MECOM: variants seen among roughly 807,000 people sequenced by gnomAD.
MECOM encodes the protein histone-lysine N-methyltransferase MECOM.
Under a neutral mutation model 116.3 loss-of-function variants are expected in MECOM, and 13 were observed. The observed-to-expected ratio is 0.11, with a 90% confidence interval of 0.07 to 0.18. The LOEUF (loss-of-function observed/expected upper bound fraction) is 0.18. Among genes scored for constraint, MECOM ranks in the 10% least tolerant of loss-of-function variants. The pLI is 1.00. For synonymous variants in MECOM, 528 were observed against 535.2 expected, an observed-to-expected ratio of 0.99 and a Z score of 0.19; for missense variants, 1,299 against 1,509.0, an observed-to-expected ratio of 0.86 and a Z score of 2.31.
intron 1 of MECOM, among the ~76,000 whole-genome samples, chr3:169,558,157 A>C (rs1425704780): frequency 6.6e-6 from 1 of 152,172 alleles, no homozygotes; most frequent in Non-Finnish European, 1.5e-5. Context: ...TGATTCTGCC[A>C]CTCACAGCAA....
intron 2 of MECOM, among the ~76,000 whole-genome samples, chr3:169,273,617 T>C (rs1474628051): frequency 2.0e-5 from 3 of 152,190 alleles, no homozygotes; most frequent in Non-Finnish European, 4.4e-5. Context: ...GGTTTCTCTA[T>C]AGCAGTTTTA....
intron 16 of MECOM, among the ~76,000 whole-genome samples, chr3:169,085,279 C>T (rs954028201): frequency 6.6e-6 from 1 of 152,128 alleles, no homozygotes; most frequent in Admixed American, 6.5e-5. Context: ...AACTATCCTA[C>T]CTAAAATGCA....
chr3:169,661,479 G>C (rs553473434), intron 1 of MECOM, among the ~76,000 whole-genome samples: 2 of 152,276 alleles, frequency 1.3e-5, no homozygotes, highest in East Asian at 3.9e-4. Context: ...CTGTAGCAGC[G>C]AGTGTAAAGA....
intron 2 of MECOM, among the ~76,000 whole-genome samples, chr3:169,233,483 T>C (rs17548632): frequency 0.014 from 2,092 of 152,260 alleles, 19 homozygotes; most frequent in Non-Finnish European, 0.022. Flanking sequence ...CATTAAACTT[T>C]AAAAGGAAAG....
intron 2 of MECOM, among the ~76,000 whole-genome samples, chr3:169,233,038 T>C (rs1037820950): frequency 6.6e-6 from 1 of 152,066 alleles, no homozygotes; most frequent in Non-Finnish European, 1.5e-5. Flanking sequence ...TTATGCTCTA[T>C]AATTGTGGAG....
rs539568296 is a variant in MECOM, at chr3:169,415,064, C to T, written c.38-33540G>A. ...AAAGATACTCCTTCAGAAGAGCAAC[C>T]CCAAGACACATAGTCATCAGATTCA... On this transcript the variant is annotated intron_variant, in intron 1 of 16. Transcript: ENST00000651503. 7.9e-5 allele frequency among the ~76,000 whole-genome samples: 12 copies of T among 152,118 alleles called. No individual in the cohort carries two copies. The South Asian group carries it at 2.5e-3, about 32-fold the overall frequency.
chr3:169,472,711 G>A (rs1170003439), intron 1 of MECOM, among the ~76,000 whole-genome samples: 7 of 106,870 alleles, frequency 6.6e-5, no homozygotes, highest in Non-Finnish European at 1.9e-5. Flanking sequence ...AGGAAAGGAA[G>A]AAAGGGAGGG....
chr3:169,468,244 C>G (rs1387830345), intron 1 of MECOM, among the ~76,000 whole-genome samples: 1 of 152,014 alleles, frequency 6.6e-6, no homozygotes, highest in Non-Finnish European at 1.5e-5. Context: ...ATTTCCCTTC[C>G]CCAGATAACT....
At chr3:169,511,378 G>C (rs761909461) in intron 1 of MECOM, among the ~76,000 whole-genome samples, 6 of 152,182 alleles carry the variant, frequency 3.9e-5, no homozygotes, top group Non-Finnish European at 7.3e-5. Context: ...GAATCTTACA[G>C]CACAGTGGTG....
In MECOM at chr3:169,084,298, T is replaced by C. The variant is rs1357274932; in HGVS notation, c.*611A>G. 1 of 231,144 alleles carries C rather than the reference T, an allele frequency of 4.3e-6. No homozygotes were observed. The highest frequency in any genetic ancestry group is 8.6e-6 in the Non-Finnish European group (1 of 116,796). 14.3% of individuals were successfully genotyped at this position (231,144 alleles called of 1,614,324 possible). ...GAGTGTTAACATCCATAGTTTACAA[T>C]ATACACATACCCTTTTTCCCTAGTT... is the stretch of plus-strand genomic sequence containing the variant. On this transcript the variant is annotated 3_prime_UTR_variant, in exon 17 of 17. Coordinates refer to ENST00000651503, the MANE Select transcript of MECOM (RefSeq NM_004991.4).
intron 1 of MECOM, among the ~76,000 whole-genome samples, chr3:169,518,330 C>T (rs1277388632): frequency 6.6e-6 from 1 of 151,860 alleles, no homozygotes; most frequent in Non-Finnish European, 1.5e-5. Flanking sequence ...AATTTAAAGG[C>T]ACTTAGATTC....
At chr3:169,237,803 A>G (rs1560030472) in intron 2 of MECOM, among the ~76,000 whole-genome samples, 1 of 152,128 alleles carries the variant, frequency 6.6e-6, no homozygotes, top group Non-Finnish European at 1.5e-5. Flanking sequence ...GTCCCATACT[A>G]TTTAACCATT....
intron 12 of MECOM, among the ~76,000 whole-genome samples, chr3:169,097,817 TAAAAAAAAAA>T (rs539873617): frequency 3.4e-5 from 3 of 87,194 alleles, no homozygotes; most frequent in East Asian, 5.0e-4. Context: ...ACTGTCTATA[TAAAAAAAAAA>T]AAAAAAAAAA....
chr3:169,623,711 C>T (rs1207626235), intron 1 of MECOM, among the ~76,000 whole-genome samples: 2 of 151,726 alleles, frequency 1.3e-5, no homozygotes, highest in Non-Finnish European at 2.9e-5. Context: ...CTCTACTGAC[C>T]CTACTTGGCC....
chr3:169,552,223 T>C (rs1236153914), intron 1 of MECOM, among the ~76,000 whole-genome samples: 1 of 127,972 alleles, frequency 7.8e-6, no homozygotes, highest in Admixed American at 8.7e-5. Flanking sequence ...GAGAAACCTC[T>C]TGGTGAAGAA....
intron 1 of MECOM, among the ~76,000 whole-genome samples, chr3:169,640,747 G>C (rs142711093): frequency 2.1e-4 from 32 of 152,316 alleles, no homozygotes; most frequent in African/African-American, 5.3e-4. Flanking sequence ...TCAGAGCTAC[G>C]AAGTAGTAGA....
At position 169,107,966 on chromosome 3, in the gene MECOM, T is replaced by A; in HGVS notation, c.2578-14A>T. ...AGGCAGTTGGAACTGGGAGCAAAAT[T>A]GAAACAAAAACAAAAAATTACTTCT... On this transcript the variant is annotated splice_polypyrimidine_tract_variant and intron_variant, in intron 9 of 16. Transcript: ENST00000651503. The A allele has an allele frequency of 6.2e-7, 1 of 1,611,944 alleles. No homozygotes were observed.
rs78444781 is a variant in MECOM, at chr3:169,300,733, T to C, written c.375+80454A>G. On this transcript the variant is annotated intron_variant, in intron 2 of 16. Coordinates refer to ENST00000651503, the MANE Select transcript of MECOM (RefSeq NM_004991.4). The stretch of plus-strand genomic sequence containing the variant: ...CTTTGGAAGCTTTCTAGTTCATGAA[T>C]CTCTCTCTCAAAACATAGTGTCCCC... 1.6e-3 allele frequency among the ~76,000 whole-genome samples: 242 copies of C among 152,260 alleles called. 5 individuals are homozygous for C. The East Asian group carries it at 0.044, about 28-fold the overall frequency.
chr3:169,173,942 G>A (rs963646420), intron 2 of MECOM, among the ~76,000 whole-genome samples: 11 of 152,150 alleles, frequency 7.2e-5, no homozygotes, highest in Non-Finnish European at 1.5e-4. Context: ...AAGTACTAAT[G>A]GGATTGTAAG....
Sources: gnomAD v4.1 joint callset for allele counts (sites outside exome capture counted in the v4.1 genomes callset) on GRCh38, gnomAD v4.1.1 for gene constraint, MANE v1.5 for transcripts, NCBI Gene and HGNC (gene_info 2026-07-23, HGNC 2026-07-21) for gene names.